QTMAN: variants seen among roughly 807,000 people sequenced by gnomAD.
QTMAN encodes the protein queuosine-tRNA mannosyltransferase.
chr2:143,947,564 T>G, the QTMAN span, among the ~76,000 whole-genome samples: 1 of 152,216 alleles, frequency 6.6e-6, no homozygotes, highest in Admixed American at 6.5e-5. Flanking sequence ...ATTACTATTA[T>G]GTGAAATTTA....
chr2:143,993,570 G>A, the QTMAN span, among the ~76,000 whole-genome samples: 5 of 152,288 alleles, frequency 3.3e-5, no homozygotes, highest in South Asian at 6.2e-4. Context: ...CAATGTGACT[G>A]GAGGCAGTGA....
the QTMAN span, among the ~76,000 whole-genome samples, chr2:144,066,024 T>C: frequency 2.0e-4 from 30 of 152,246 alleles, no homozygotes; most frequent in African/African-American, 6.5e-4. Flanking sequence ...GGGAGGTAAG[T>C]TCTGGGAAGA....
the QTMAN span, among the ~76,000 whole-genome samples, chr2:144,040,551 G>A: frequency 0.013 from 1,949 of 152,032 alleles, 26 homozygotes; most frequent in South Asian, 0.019. Flanking sequence ...TATATACGTC[G>A]CTAAGACCCT....
At chr2:144,105,788 A>G in the QTMAN span, among the ~76,000 whole-genome samples, 1 of 152,192 alleles carries the variant, frequency 6.6e-6, no homozygotes, top group Non-Finnish European at 1.5e-5. Context: ...GAGTAACTCC[A>G]AGACACATAA....
At chr2:143,970,993 G>C in the QTMAN span, among the ~76,000 whole-genome samples, 2 of 152,008 alleles carry the variant, frequency 1.3e-5, no homozygotes, top group Non-Finnish European at 2.9e-5. Context: ...AAGTTTTAAG[G>C]CTCTGCAGCC....
chr2:144,229,562 G>T, the QTMAN span, among the ~76,000 whole-genome samples: 1 of 152,162 alleles, frequency 6.6e-6, no homozygotes, highest in Non-Finnish European at 1.5e-5. Flanking sequence ...ACTTTGGAGG[G>T]AAGGAGAGTG....
At chr2:144,065,640 C>A in the QTMAN span, among the ~76,000 whole-genome samples, 6 of 152,094 alleles carry the variant, frequency 3.9e-5, no homozygotes, top group Admixed American at 3.3e-4. Flanking sequence ...TCCCTTGGTA[C>A]CTTCCTTAAA....
the QTMAN span, among the ~76,000 whole-genome samples, chr2:144,152,912 T>C: frequency 1.2e-4 from 18 of 152,136 alleles, no homozygotes; most frequent in South Asian, 2.1e-4. Flanking sequence ...CAGTGTGAGA[T>C]TGATTACGAA....
chr2:143,990,062 G>A, the QTMAN span, among the ~76,000 whole-genome samples: 1 of 152,016 alleles, frequency 6.6e-6, no homozygotes, highest in Non-Finnish European at 1.5e-5. Context: ...GCTTGCACAT[G>A]GGTATTTACT....
the QTMAN span, among the ~76,000 whole-genome samples, chr2:144,068,507 C>G: frequency 6.6e-6 from 1 of 152,130 alleles, no homozygotes; most frequent in Non-Finnish European, 1.5e-5. Flanking sequence ...TTTGTGGACA[C>G]TTAATTAAAA....
chr2:144,183,151 T>A, the QTMAN span, among the ~76,000 whole-genome samples: 1 of 151,538 alleles, frequency 6.6e-6, no homozygotes, highest in Admixed American at 6.6e-5. Context: ...TGGTTAATAT[T>A]GATACAATAT....
the QTMAN span, among the ~76,000 whole-genome samples, chr2:143,975,640 G>A: frequency 6.6e-6 from 1 of 152,176 alleles, no homozygotes; most frequent in South Asian, 2.1e-4. Context: ...CTGGCCAATG[G>A]AGTGATGTAT....
chr2:144,222,441 A>G, the QTMAN span, among the ~76,000 whole-genome samples: 2 of 152,030 alleles, frequency 1.3e-5, no homozygotes, highest in African/African-American at 4.8e-5. Context: ...ATAAGGGGAA[A>G]TATTTAATTA....
chr2:144,013,717 T>G, the QTMAN span, among the ~76,000 whole-genome samples: 1 of 152,066 alleles, frequency 6.6e-6, no homozygotes, highest in African/African-American at 2.4e-5. Context: ...AATAAATAAG[T>G]TTTCCAAAAC....
the QTMAN span, among the ~76,000 whole-genome samples, chr2:143,980,761 G>A: frequency 1.6e-4 from 24 of 152,148 alleles, no homozygotes; most frequent in East Asian, 3.3e-3. Context: ...TCTTAACATC[G>A]CTGAGCTTAC....
the QTMAN span, among the ~76,000 whole-genome samples, chr2:144,039,163 GACAT>G: frequency 6.6e-6 from 1 of 152,048 alleles, no homozygotes; most frequent in Non-Finnish European, 1.5e-5. Context: ...ATAAGTTTTA[GACAT>G]ACTACATTAA....
At chr2:144,135,231 TAG>T in the QTMAN span, among the ~76,000 whole-genome samples, 1 of 152,162 alleles carries the variant, frequency 6.6e-6, no homozygotes, top group Non-Finnish European at 1.5e-5. Context: ...ACTCCTTCAG[TAG>T]AGAATCTTGT....
the QTMAN span, among the ~76,000 whole-genome samples, chr2:144,109,873 T>G: frequency 5.9e-5 from 9 of 152,132 alleles, no homozygotes; most frequent in Non-Finnish European, 1.3e-4. Flanking sequence ...ATGGTGATCA[T>G]TAAAAGGTCA....
At chr2:144,304,304 T>A in the QTMAN span, among the ~76,000 whole-genome samples, 1 of 152,182 alleles carries the variant, frequency 6.6e-6, no homozygotes, top group Non-Finnish European at 1.5e-5. Context: ...CTCAAAACAA[T>A]CCTAACAAAC....
Sources: gnomAD v4.1 joint callset for allele counts (sites outside exome capture counted in the v4.1 genomes callset) on GRCh38, gnomAD v4.1.1 for gene constraint, MANE v1.5 for transcripts, NCBI Gene and HGNC (gene_info 2026-07-23, HGNC 2026-07-21) for gene names.